NR1H3: variants seen among roughly 807,000 people sequenced by gnomAD.
NR1H3 encodes oxysterols receptor LXR-alpha.
NR1H3 carries 19 observed loss-of-function variants against 48.1 expected under a neutral mutation model. That is an observed-to-expected ratio of 0.40 (90% CI 0.28 to 0.58). NR1H3 has a LOEUF of 0.58. Among genes scored for constraint, NR1H3 ranks in the 20% least tolerant of loss-of-function variants. The probability of loss-of-function intolerance (pLI) is 0.50; values close to 1 mark genes in which losing one functional copy is unlikely to be tolerated. For synonymous variants in NR1H3, 232 were observed against 227.3 expected, an observed-to-expected ratio of 1.02 and a Z score of -0.19; for missense variants, 486 against 595.9, an observed-to-expected ratio of 0.82 and a Z score of 1.92.
Position 47,268,274 on chromosome 11 carries a change from G to A in NR1H3, c.1116G>A (p.Val372=), listed in dbSNP as rs760185011. 6.2e-7 allele frequency: 1 copy of A among 1,614,030 alleles called. No individual in the cohort carries two copies. Among genetic ancestry groups the A allele is most frequent in the South Asian group, 1.1e-5 (1 of 91,078 alleles). Residue 372 remains valine (V), a synonymous_variant, in exon 9 of 10, where the codon GTG becomes GTA. Coordinates refer to ENST00000441012, the MANE Select transcript of NR1H3 (RefSeq NM_005693.4). The part of the protein sequence containing the change: ...ISIFSADRPN[V]QDQLQVERLQ... Reference sequence around the variant, plus strand: ...GGTGACCTATAGACCGGCCCAACGTGCAGGACCAGCTCCAGGTAGAGAGGC... The same window carrying A: ...GGTGACCTATAGACCGGCCCAACGTACAGGACCAGCTCCAGGTAGAGAGGC...
Position 47,261,460 on chromosome 11 carries a change from C to A in NR1H3, c.708+11C>A, listed in dbSNP as rs367721585. 91 of 1,613,124 alleles carry A rather than the reference C, an allele frequency of 5.6e-5. No individual in the cohort carries two copies. In the African/African-American group the frequency reaches 1.1e-3, roughly 20 times the overall value. Reference sequence around the variant, plus strand: ...CGGCTTCGAGTCACGGTACTTGACACACCTGGGGAGAGGCGGCTGCGCCCA... The same window carrying A: ...CGGCTTCGAGTCACGGTACTTGACAAACCTGGGGAGAGGCGGCTGCGCCCA... On this transcript the variant is annotated intron_variant, in intron 5 of 9. Coordinates refer to ENST00000441012, the MANE Select transcript of NR1H3 (RefSeq NM_005693.4).
intron 7 of NR1H3, among the ~76,000 whole-genome samples, chr11:47,263,265 TAC>T (rs2135664687): frequency 1.7e-5 from 1 of 60,114 alleles, no homozygotes; most frequent in Admixed American, 3.0e-4. Context: ...TGATTTCCCC[TAC>T]TTTTTTTTTT....
chr11:47,262,738 T>C (rs529286183), intron 7 of NR1H3, among the ~76,000 whole-genome samples: 1 of 151,692 alleles, frequency 6.6e-6, no homozygotes, highest in African/African-American at 2.4e-5. Flanking sequence ...CTTGAACTCC[T>C]GACCTTAAGT....
chr11:47,248,836 C>T, upstream of NR1H3: 4 of 1,555,026 alleles, frequency 2.6e-6, no homozygotes, highest in Non-Finnish European at 3.5e-6. Flanking sequence ...CGCTGGGTGG[C>T]ACCTGCAAGC....
Position 47,260,506 on chromosome 11 carries a change from C to CAATG in NR1H3, c.331_334dup (p.Val112GlufsTer115). 6.2e-7 allele frequency: 1 copy of CAATG among 1,614,270 alleles called. No individual in the cohort carries two copies. The highest frequency in any genetic ancestry group is 1.1e-5 in the South Asian group (1 of 91,092). On this transcript the variant is annotated frameshift_variant, in exon 4 of 10. Coordinates refer to ENST00000441012, the MANE Select transcript of NR1H3 (RefSeq NM_005693.4). LOFTEE classifies it high-confidence loss of function. ...GGGACAAGGCCTCGGGCTTCCACTA[C>CAATG]AATGTTCTGAGCTGCGAGGGCTGCA... is the stretch of plus-strand genomic sequence containing the variant.
intron 1 of NR1H3, chr11:47,258,931 T>C (rs1203773886): frequency 4.0e-6 from 2 of 500,118 alleles, no homozygotes; most frequent in African/African-American, 1.9e-5. Flanking sequence ...ATCCCCACAC[T>C]TTGGGAGGCC....
At chr11:47,263,590 TC>T (rs1443514190) in intron 7 of NR1H3, among the ~76,000 whole-genome samples, 1 of 150,124 alleles carries the variant, frequency 6.7e-6, no homozygotes, top group Non-Finnish European at 1.5e-5. Context: ...CTACTCTTTT[TC>T]TTTTTTTTTC....
intron 4 of NR1H3, 149 bp from the exon 5 acceptor site, chr11:47,261,092 A>AT: frequency 1.6e-6 from 1 of 643,618 alleles, no homozygotes; most frequent in Non-Finnish European, 2.7e-6. Flanking sequence ...CAAAAAAAAA[A>AT]AATCTTCTTG....
At chr11:47,263,428 T>C (rs1320877321) in intron 7 of NR1H3, among the ~76,000 whole-genome samples, 1 of 151,774 alleles carries the variant, frequency 6.6e-6, no homozygotes, top group Non-Finnish European at 1.5e-5. Flanking sequence ...CATGCCAGGC[T>C]AATTTTTATA....
upstream of NR1H3, among the ~76,000 whole-genome samples, chr11:47,256,671 A>G (rs1955203440): frequency 6.7e-6 from 1 of 149,592 alleles, no homozygotes; most frequent in African/African-American, 2.4e-5. Flanking sequence ...AAAAAAAAAA[A>G]GGAATAATAA....
At position 47,259,798 on chromosome 11, in the gene NR1H3, G is replaced by A. The variant is rs201801351; in HGVS notation, c.51G>A (p.Ala17=). Residue 17 remains alanine (A), a synonymous_variant, in exon 3 of 10, where the codon GCG becomes GCA. Coordinates refer to ENST00000441012, the MANE Select transcript of NR1H3 (RefSeq NM_005693.4). ...APVPDIPPDS[A]VELWKPGAQD... ...CTCTCTTTTGGAGCTCAGACTCTGC[G>A]GTGGAGCTGTGGAAGCCAGGCGCAC... 14 of 1,611,948 alleles carry A rather than the reference G, an allele frequency of 8.7e-6. No individual in the cohort carries two copies. The highest frequency in any genetic ancestry group is 2.2e-5 in the East Asian group (1 of 44,892).
chr11:47,264,396 G>A (rs1430549329), intron 7 of NR1H3, among the ~76,000 whole-genome samples: 2 of 152,302 alleles, frequency 1.3e-5, no homozygotes, highest in African/African-American at 2.4e-5. Context: ...GCCACTCTTC[G>A]CTGTAGGGCA....
upstream of NR1H3, among the ~76,000 whole-genome samples, chr11:47,256,761 C>T (rs541591349): frequency 1.6e-3 from 235 of 144,140 alleles, 4 homozygotes; most frequent in Non-Finnish European, 2.2e-3. Flanking sequence ...GACAGAGTCT[C>T]GCTCTGTCAC....
At position 47,269,005 on chromosome 11, in the gene NR1H3, A is replaced by C. The variant is rs984503610; in HGVS notation, c.*309A>C. On this transcript the variant is annotated 3_prime_UTR_variant, in exon 10 of 10. Coordinates refer to ENST00000441012, the MANE Select transcript of NR1H3 (RefSeq NM_005693.4). ...CTCCACCACTTCCTGTTTTTCCCAC[A>C]GGGCCCCAAGAAAAATTCTCCACTG... The C allele has an allele frequency of 2.6e-5, 9 of 349,514 alleles. No individual in the cohort carries two copies. The highest frequency in any genetic ancestry group is 4.2e-5 in the Non-Finnish European group (8 of 189,116). 21.7% of individuals were successfully genotyped at this position (349,514 alleles called of 1,614,324 possible). A position where few individuals can be genotyped will look rare whatever the true frequency, so the allele number is the denominator to read the frequency against.
intron 7 of NR1H3, among the ~76,000 whole-genome samples, chr11:47,267,165 C>A (rs1347554491): frequency 6.6e-6 from 1 of 151,850 alleles, no homozygotes; most frequent in African/African-American, 2.4e-5. Flanking sequence ...GAATTAGCTA[C>A]TTGTGATGGT....
At chr11:47,251,605 C>T (rs1249062905) in intron 1 of NR1H3, among the ~76,000 whole-genome samples, 1 of 151,672 alleles carries the variant, frequency 6.6e-6, no homozygotes, top group Admixed American at 6.6e-5. Flanking sequence ...GAGCGAGACT[C>T]TGTCTCAAAA....
At chr11:47,264,478 T>C (rs144395212) in intron 7 of NR1H3, among the ~76,000 whole-genome samples, 1 of 152,332 alleles carries the variant, frequency 6.6e-6, no homozygotes, top group Non-Finnish European at 1.5e-5. Context: ...TGACACCTAA[T>C]GGGGTGATTT....
chr11:47,255,320 C>G (rs77947073), upstream of NR1H3, among the ~76,000 whole-genome samples: 1 of 152,284 alleles, frequency 6.6e-6, no homozygotes, highest in Non-Finnish European at 1.5e-5. Flanking sequence ...AAATGGAGCT[C>G]GGGTTACTTA....
intron 2 of NR1H3, 22 bp from the exon 3 acceptor site, chr11:47,259,769 G>A: frequency 1.9e-6 from 3 of 1,611,830 alleles, no homozygotes; most frequent in Admixed American, 1.7e-5. Flanking sequence ...AGACCCCCTT[G>A]TGCCTCTCTT....
Sources: allele counts gnomAD v4.1 joint callset (sites outside exome capture counted in the v4.1 genomes callset), GRCh38; gene constraint gnomAD v4.1.1; transcripts MANE v1.5; gene names NCBI Gene and HGNC (gene_info 2026-07-23, HGNC 2026-07-21).